RSPH6A: variants seen among roughly 807,000 people sequenced by gnomAD.
RSPH6A encodes the protein radial spoke head protein 6 homolog A.
In RSPH6A, 49 loss-of-function variants were observed where a neutral mutation model predicts 66.1. That is an observed-to-expected ratio of 0.74 (90% CI 0.59 to 0.94). The LOEUF is 0.94. Among genes scored for constraint, RSPH6A ranks in the 40% least tolerant of loss-of-function variants. RSPH6A has a pLI of 0.00. For missense variants in RSPH6A, 977 were observed against 948.3 expected (o/e 1.03, Z -0.40); for synonymous variants, 419 against 402.4 (o/e 1.04, Z -0.49).
intron 2 of RSPH6A, among the ~76,000 whole-genome samples, chr19:45,809,444 A>G (rs1970593735): frequency 1.3e-5 from 2 of 150,528 alleles, no homozygotes. Context: ...AGCTGGGACT[A>G]CAGGTGCCCG....
At position 45,804,474 on chromosome 19, in the gene RSPH6A, C is replaced by T. The variant is rs1046585805; in HGVS notation, c.1431G>A (p.Glu477=). Residue 477 remains glutamate, a synonymous_variant, in exon 3 of 6, where the codon GAG becomes GAA. Coordinates refer to ENST00000221538, the MANE Select transcript of RSPH6A (RefSeq NM_030785.4). The surrounding 1 kb of genome is among the most constrained non-coding windows in gnomAD (Gnocchi z 5.8). The part of the protein sequence containing the change: ...VVSYPPFPGN[E]ANYLRAQIAR... Reference sequence around the variant, plus strand: ...CTATCTGGGCCCGCAGGTAGTTGGCCTCGTTGCCCGGGAAGGGTGGGTAGC... The same window carrying T: ...CTATCTGGGCCCGCAGGTAGTTGGCTTCGTTGCCCGGGAAGGGTGGGTAGC... The T allele has an allele frequency of 5.0e-6, 8 of 1,613,982 alleles. No homozygotes were observed. In the African/African-American group the frequency reaches 6.7e-5, roughly 13 times the overall value.
rs752385323 is a variant in RSPH6A at position 45,804,450 on chromosome 19, T to C, written c.1455A>G (p.Ile485Met). 18 of 1,613,976 alleles carry C rather than the reference T, an allele frequency of 1.1e-5. No homozygotes were observed. The highest frequency in any genetic ancestry group is 1.5e-5 in the Non-Finnish European group (18 of 1,179,954). Residue 485 changes from isoleucine to methionine, a missense_variant, in exon 3 of 6, where the codon ATA becomes ATG. Ile to Met is a conservative substitution (Grantham distance 10, BLOSUM62 1). Transcript: ENST00000221538. The surrounding 1 kb of genome is among the most constrained non-coding windows in gnomAD (Gnocchi z 5.8). Reference protein sequence around the residue: ...GNEANYLRAQIARISAATQVS... With the variant: ...GNEANYLRAQMARISAATQVS... ...CCTGCGTGGCGGCCGAGATGCGGGC[T>C]ATCTGGGCCCGCAGGTAGTTGGCCT...
In RSPH6A at chr19:45,810,657, C is replaced by T. The variant is rs768890970; in HGVS notation, c.834G>A (p.Leu278=). 68 of 1,613,982 alleles carry T rather than the reference C, an allele frequency of 4.2e-5. No homozygotes were observed. The highest frequency in any genetic ancestry group is 5.6e-5 in the Non-Finnish European group (66 of 1,180,012). ...TYKMAEKQKA[L]FTRSGGGTEG... is the part of the protein sequence containing the mutation. ...CAGTGCCGCCTCCACTCCGGGTGAACAGCGCCTTCTGTTTCTCCGCCATCT... is the reference window on the plus strand; with the variant it reads ...CAGTGCCGCCTCCACTCCGGGTGAATAGCGCCTTCTGTTTCTCCGCCATCT... Residue 278 remains leucine, a synonymous_variant, in exon 2 of 6, where the codon CTG becomes CTA. Transcript: ENST00000221538.
At chr19:45,810,047 G>A (rs1600478954) in intron 2 of RSPH6A, among the ~76,000 whole-genome samples, 3 of 152,310 alleles carry the variant, frequency 2.0e-5, no homozygotes, top group South Asian at 2.1e-4. Context: ...GGTGGCTCAC[G>A]CCTGTAATCC....
At position 45,802,244 on chromosome 19, in the gene RSPH6A, G is replaced by A; in HGVS notation, c.1674C>T (p.Asn558=). 2 of 1,488,510 alleles carry A rather than the reference G, an allele frequency of 1.3e-6. No homozygotes were observed. Among genetic ancestry groups the A allele is most frequent in the South Asian group, 2.7e-5 (2 of 74,048 alleles). 92.2% of individuals were successfully genotyped at this position (1,488,510 alleles called of 1,614,324 possible). ...CCTCCTCCTCTGTCTTCTGCAAAGG[G>A]TTCACCCAAGTGCAGCGGCCCTGGG... ...ILPQGRCTWV[N]PLQKTEEEED... The change falls in exon 4 of 6, where the codon AAC becomes AAT. Residue 558 remains asparagine, a synonymous_variant. Transcript: ENST00000221538.
At chr19:45,811,152 C>G (rs1175621791) in intron 1 of RSPH6A, among the ~76,000 whole-genome samples, 1 of 151,612 alleles carries the variant, frequency 6.6e-6, no homozygotes, top group Non-Finnish European at 1.5e-5. Context: ...CGCCACCACG[C>G]CTGGTTACTT....
intron 2 of RSPH6A, among the ~76,000 whole-genome samples, chr19:45,808,225 G>A (rs796796279): frequency 7.9e-5 from 12 of 152,270 alleles, no homozygotes; most frequent in African/African-American, 2.6e-4. Context: ...TCAAGTGTTC[G>A]AGACTAGCCT....
chr19:45,804,017 G>GA lies in RSPH6A; in HGVS notation c.1653+234dup, dbSNP rs932592798. ...TCAAAAAAAAAAAAAGAAAAGAAAAGAAAAGAAAAAGAAAAAAAAGAAGAA... is the reference window on the plus strand; with the variant it reads ...TCAAAAAAAAAAAAAGAAAAGAAAAGAAAAAGAAAAAGAAAAAAAAGAAGAA... On this transcript the variant is annotated intron_variant, in intron 3 of 5. Transcript: ENST00000221538. This position sits in a 1 kb window ranked among gnomAD's most constrained non-coding sequence, Gnocchi z 5.8. Among the ~76,000 whole-genome samples, 5 of 140,060 alleles carry GA rather than the reference G, an allele frequency of 3.6e-5. No homozygotes were observed. The highest frequency in any genetic ancestry group is 3.6e-3 in the Middle Eastern group (1 of 280). 91.9% of individuals were successfully genotyped at this position (140,060 alleles called of 152,430 possible). A position where few individuals can be genotyped will look rare whatever the true frequency, so the allele number is the denominator to read the frequency against.
At chr19:45,806,431 G>A (rs968519517) in intron 2 of RSPH6A, among the ~76,000 whole-genome samples, 2 of 152,080 alleles carry the variant, frequency 1.3e-5, no homozygotes, top group Non-Finnish European at 2.9e-5. Context: ...CCAGCACTTT[G>A]GGAGGCCAAG....
chr19:45,800,174 C>T (rs900859459), intron 5 of RSPH6A, among the ~76,000 whole-genome samples: 2 of 152,234 alleles, frequency 1.3e-5, no homozygotes, highest in African/African-American at 2.4e-5. Context: ...AGGTTCGTAT[C>T]CTGCAAGTGC....
chr19:45,808,966 C>T (rs753779500), intron 2 of RSPH6A, among the ~76,000 whole-genome samples: 7 of 146,492 alleles, frequency 4.8e-5, no homozygotes, highest in Non-Finnish European at 1.0e-4. Flanking sequence ...CAAGCCCGGC[C>T]GAGAATAGTC....
intron 1 of RSPH6A, among the ~76,000 whole-genome samples, chr19:45,812,522 A>G (rs568137708): frequency 6.6e-6 from 1 of 152,182 alleles, no homozygotes; most frequent in South Asian, 2.1e-4. Flanking sequence ...GGGTAAGAAG[A>G]GGTGAGACTT....
At chr19:45,814,095 G>A (rs1034243515) in intron 1 of RSPH6A, among the ~76,000 whole-genome samples, 3 of 152,136 alleles carry the variant, frequency 2.0e-5, no homozygotes, top group Non-Finnish European at 4.4e-5. Context: ...GGAAGGAGAG[G>A]TTGCCCTAAG....
Position 45,811,743 on chromosome 19 carries a change from G to GTATTATTAAT in RSPH6A, c.651-904_651-903insATTAATAATA, listed in dbSNP as rs755013855. Among the ~76,000 whole-genome samples, 223 of 118,464 alleles carry GTATTATTAAT rather than the reference G, an allele frequency of 1.9e-3. 4 individuals are homozygous for GTATTATTAAT. Among genetic ancestry groups the GTATTATTAAT allele is most frequent in the African/African-American group, 2.2e-3 (74 of 33,132 alleles). The allele number at this position is 118,464 out of a possible 152,430, so 77.7% of individuals were successfully genotyped here. A position where few individuals can be genotyped will look rare whatever the true frequency, so the allele number is the denominator to read the frequency against. On this transcript the variant is annotated intron_variant, in intron 1 of 5. Transcript: ENST00000221538. ...GAGCCACCGCACCTGGCCAACATTT[G>GTATTATTAAT]TATTATTATTATTATTATTATTATT... is the stretch of plus-strand genomic sequence containing the variant.
chr19:45,800,768 A>ACT (rs1970462328), intron 4 of RSPH6A, among the ~76,000 whole-genome samples: 1 of 114,248 alleles, frequency 8.8e-6, no homozygotes, highest in African/African-American at 3.0e-5. Context: ...ACACACACAC[A>ACT]CACACACTCT....
rs1184220198 is a variant in RSPH6A at position 45,802,124 on chromosome 19, A to T, written c.1794T>A (p.Asp598Glu). 8 of 1,528,608 alleles carry T rather than the reference A, an allele frequency of 5.2e-6. No homozygotes were observed. Among genetic ancestry groups the T allele is most frequent in the Non-Finnish European group, 7.1e-6 (8 of 1,129,148 alleles). The allele number at this position is 1,528,608 out of a possible 1,614,324, so 94.7% of individuals were successfully genotyped here. A position where few individuals can be genotyped will look rare whatever the true frequency, so the allele number is the denominator to read the frequency against. ...AGGCTGAGAGGGCTTCCTTACCTGC[A>T]TCTTCTGAAAGTGGCGTTAGCAGTG... ...GPPLLTPLSE[D>E]AEIMHLAPWT... Residue 598 changes from aspartate (D) to glutamate (E), a missense_variant, in exon 4 of 6, where the codon GAT (aspartate) becomes GAA (glutamate). Asp to Glu is a conservative substitution (Grantham distance 45, BLOSUM62 2). Coordinates refer to ENST00000221538, the MANE Select transcript of RSPH6A (RefSeq NM_030785.4).
In RSPH6A at chr19:45,814,864, C is replaced by A; in HGVS notation, c.313G>T (p.Asp105Tyr). 1.9e-6 allele frequency: 3 copies of A among 1,614,132 alleles called. No individual in the cohort carries two copies. In the African/African-American group the frequency reaches 4.0e-5, roughly 22 times the overall value. The change falls in exon 1 of 6, where the codon GAT (aspartate) becomes TAT (tyrosine). Residue 105 changes from aspartate to tyrosine, a missense_variant. Transcript: ENST00000221538. Reference protein sequence around the residue: ...PSEFQPQPYSDESRMQVAELT... With the variant: ...PSEFQPQPYSYESRMQVAELT... The stretch of plus-strand genomic sequence containing the variant: ...TCGGCGACCTGCATCCTGCTTTCAT[C>A]AGAGTAAGGCTGAGGCTGGAACTCT...
chr19:45,804,929 T>C lies in RSPH6A; in HGVS notation c.976A>G (p.Ile326Val). Residue 326 changes from isoleucine (I) to valine (V), a missense_variant, in exon 3 of 6, where the codon ATT (isoleucine) becomes GTT (valine). Coordinates refer to ENST00000221538, the MANE Select transcript of RSPH6A (RefSeq NM_030785.4). This position sits in a 1 kb window ranked among gnomAD's most constrained non-coding sequence, Gnocchi z 5.8. Reference protein sequence around the residue: ...VGLSSDESFRIFLAMKQLVEQ... With the variant: ...VGLSSDESFRVFLAMKQLVEQ... ...ACCAGCTGTTTCATGGCCAGGAAAA[T>C]GCGGAAGCTCTCGTCCGAGCTCAGG... 2.5e-6 allele frequency: 4 copies of C among 1,614,090 alleles called. No homozygotes were observed. The highest frequency in any genetic ancestry group is 3.4e-6 in the Non-Finnish European group (4 of 1,180,024).
intron 1 of RSPH6A, among the ~76,000 whole-genome samples, chr19:45,813,230 T>G (rs1365025605): frequency 6.6e-6 from 1 of 152,128 alleles, no homozygotes; most frequent in East Asian, 1.9e-4. Flanking sequence ...GCCTTTGCAT[T>G]TGCAGTGTGC....
Sources: allele counts gnomAD v4.1 joint callset (sites outside exome capture counted in the v4.1 genomes callset), GRCh38; gene constraint gnomAD v4.1.1; non-coding constraint Gnocchi (gnomAD v3.1); transcripts MANE v1.5; gene names NCBI Gene and HGNC (gene_info 2026-07-23, HGNC 2026-07-21).